Variants in GLI3 observed in about 807,000 individuals in gnomAD.
The protein encoded by GLI3 is transcription activator GLI3.
Under a neutral mutation model 100.8 loss-of-function variants are expected in GLI3, and 20 were observed. The ratio of observed to expected loss-of-function variants is 0.20; its 90% CI spans 0.14 to 0.29. The LOEUF (loss-of-function observed/expected upper bound fraction) is 0.29, where lower values mean the gene tolerates loss of function less well. Among genes scored for constraint, GLI3 ranks in the 10% least tolerant of loss-of-function variants. The pLI, the probability that GLI3 is intolerant of heterozygous loss-of-function variation, is 1.00. For missense variants in GLI3, 2,040 were observed against 2,128.5 expected, an observed-to-expected ratio of 0.96 and a Z score of 0.82; for synonymous variants, 938 against 860.5, an observed-to-expected ratio of 1.09 and a Z score of -1.58.
intron 3 of GLI3, among the ~76,000 whole-genome samples, chr7:42,144,310 C>T (rs74484679): frequency 0.021 from 3,135 of 152,228 alleles, 101 homozygotes; most frequent in African/African-American, 0.072. Flanking sequence ...AATCTAACCC[C>T]TACCACGCTC....
At chr7:42,092,417 G>A (rs554564835) in intron 3 of GLI3, among the ~76,000 whole-genome samples, 2 of 152,286 alleles carry the variant, frequency 1.3e-5, no homozygotes, top group South Asian at 4.2e-4. Context: ...AAGAACCAGG[G>A]CAGGAGCGCA....
chr7:42,191,176 A>G (rs1787818900), intron 2 of GLI3, among the ~76,000 whole-genome samples: 2 of 152,334 alleles, frequency 1.3e-5, no homozygotes, highest in Non-Finnish European at 2.9e-5. Context: ...AGATAGTATT[A>G]TAGACTAATC....
intron 10 of GLI3, among the ~76,000 whole-genome samples, chr7:41,980,971 G>T (rs144014681): frequency 6.6e-6 from 1 of 152,210 alleles, no homozygotes; most frequent in Non-Finnish European, 1.5e-5. Context: ...ATAAAAACAT[G>T]TAATGGGATC....
Position 42,040,050 on chromosome 7 carries a change from G to A in GLI3, c.1016C>T (p.Ala339Val). The A allele has an allele frequency of 6.2e-7, 1 of 1,609,848 alleles. No individual in the cohort carries two copies. Among genetic ancestry groups the A allele is most frequent in the Non-Finnish European group, 8.5e-7 (1 of 1,176,054 alleles). The change falls in exon 7 of 15, where the codon GCA becomes GTA. Residue 339 changes from alanine (A) to valine (V), a missense_variant. Physicochemically the swap from Ala to Val is moderately conservative, Grantham distance 64 (BLOSUM62 0). Transcript: ENST00000395925. ...SASGSYGHLS[A>V]SAISPALSFT... ...GGAAAATACATACCTGATTGCACTT[G>A]CAGATAAGTGACCATAGGAGCCACT...
intron 3 of GLI3, among the ~76,000 whole-genome samples, chr7:42,096,764 T>C (rs1785347238): frequency 6.6e-6 from 1 of 152,068 alleles, no homozygotes; most frequent in Admixed American, 6.5e-5. Context: ...AACTCTGCCA[T>C]GGAAATCAGC....
At chr7:42,259,105 C>G (rs1262506314) in intron 1 of GLI3, among the ~76,000 whole-genome samples, 1 of 152,218 alleles carries the variant, frequency 6.6e-6, no homozygotes, top group African/African-American at 2.4e-5. Flanking sequence ...TTACCCTAAA[C>G]TTGTTCATCA....
chr7:42,201,914 T>A (rs1460778549), intron 2 of GLI3, among the ~76,000 whole-genome samples: 1 of 151,864 alleles, frequency 6.6e-6, no homozygotes, highest in Non-Finnish European at 1.5e-5. Context: ...AAACCCTGTC[T>A]CTACTAAAAA....
chr7:42,172,174 T>C (rs1787386825), intron 2 of GLI3, among the ~76,000 whole-genome samples: 1 of 152,104 alleles, frequency 6.6e-6, no homozygotes, highest in Admixed American at 6.6e-5. Flanking sequence ...AGGCCCGTTA[T>C]CTCCTTCGTA....
chr7:42,215,333 C>A (rs1213077520), intron 2 of GLI3, among the ~76,000 whole-genome samples: 1 of 152,148 alleles, frequency 6.6e-6, no homozygotes, highest in Admixed American at 6.5e-5. Flanking sequence ...GGAAACGTTT[C>A]TATGTAAACA....
chr7:42,162,184 C>T (rs1288583100), intron 2 of GLI3, among the ~76,000 whole-genome samples: 1 of 152,188 alleles, frequency 6.6e-6, no homozygotes, highest in African/African-American at 2.4e-5. Flanking sequence ...GCCTCTTCTT[C>T]AGGTTTTGAC....
upstream of GLI3, among the ~76,000 whole-genome samples, chr7:42,238,169 C>T (rs1788871734): frequency 6.6e-6 from 1 of 151,832 alleles, no homozygotes; most frequent in South Asian, 2.1e-4. Flanking sequence ...GGGGCCCGGG[C>T]GTGATGTCAC....
intron 2 of GLI3, among the ~76,000 whole-genome samples, chr7:42,162,574 T>C (rs1299267100): frequency 6.6e-6 from 1 of 152,194 alleles, no homozygotes; most frequent in Non-Finnish European, 1.5e-5. Flanking sequence ...TCTACGAAAG[T>C]TCCCAAGAAG....
intron 2 of GLI3, among the ~76,000 whole-genome samples, chr7:42,177,650 C>T (rs1289496476): frequency 6.6e-6 from 1 of 152,116 alleles, no homozygotes; most frequent in Non-Finnish European, 1.5e-5. Flanking sequence ...CAGTAAGCAG[C>T]TTATTCAAAG....
intron 7 of GLI3, among the ~76,000 whole-genome samples, chr7:42,034,405 G>C (rs1318877611): frequency 6.6e-6 from 1 of 152,076 alleles, no homozygotes; most frequent in Non-Finnish European, 1.5e-5. Context: ...ACAGCCTTGT[G>C]GGGGGCCTCC....
In GLI3 at chr7:42,182,681, TAC is replaced by T. The variant is rs1554337004; in HGVS notation, c.125-34215_125-34214del. ...ATATATATATATATATATATATATA[TAC>T]ACATGTGTGTATATATATATACACA... On this transcript the variant is annotated intron_variant, in intron 2 of 14. Transcript: ENST00000395925. Among the ~76,000 whole-genome samples, 139 of 56,720 alleles carry T rather than the reference TAC, an allele frequency of 2.5e-3. 5 individuals are homozygous for T. The highest frequency in any genetic ancestry group is 6.1e-3 in the African/African-American group (67 of 11,048). 37.2% of individuals were successfully genotyped at this position (56,720 alleles called of 152,430 possible).
intron 2 of GLI3, among the ~76,000 whole-genome samples, chr7:42,178,246 C>T (rs1787519456): frequency 6.6e-6 from 1 of 152,180 alleles, no homozygotes; most frequent in South Asian, 2.1e-4. Flanking sequence ...CCTAAAGTGC[C>T]AACAAAGTTG....
intron 10 of GLI3, among the ~76,000 whole-genome samples, chr7:41,999,403 G>C (rs142815041): frequency 6.6e-6 from 1 of 152,196 alleles, no homozygotes; most frequent in Non-Finnish European, 1.5e-5. Context: ...AAAAGGTTCT[G>C]ATTGATACTA....
In GLI3 at chr7:42,026,423, G is replaced by A. The variant is rs116195563; in HGVS notation, c.1029-11C>T. The A allele has an allele frequency of 1.5e-3, 2,375 of 1,608,960 alleles. 34 individuals are homozygous for A. The African/African-American group carries it at 0.028, about 19-fold the overall frequency. On this transcript the variant is annotated splice_polypyrimidine_tract_variant and intron_variant, in intron 7 of 14. Transcript: ENST00000395925. Reference sequence around the variant, plus strand: ...AAGCTCAAGGCAGGGCTGCACGGGGGAGATAAAAAAAGACGATCATCACTT... The same window carrying A: ...AAGCTCAAGGCAGGGCTGCACGGGGAAGATAAAAAAAGACGATCATCACTT...
chr7:42,186,875 T>G (rs1026653719), intron 2 of GLI3, among the ~76,000 whole-genome samples: 22 of 152,126 alleles, frequency 1.4e-4, no homozygotes, highest in Non-Finnish European at 2.9e-5. Flanking sequence ...CTTTTAAATG[T>G]TTTGGAGCCA....
Sources: allele counts gnomAD v4.1 joint callset (sites outside exome capture counted in the v4.1 genomes callset), GRCh38; gene constraint gnomAD v4.1.1; transcripts MANE v1.5; gene names NCBI Gene and HGNC (gene_info 2026-07-23, HGNC 2026-07-21).